Variants in TRIM71 observed in about 807,000 individuals in gnomAD.
The protein encoded by TRIM71 is E3 ubiquitin-protein ligase TRIM71.
In TRIM71, 9 loss-of-function variants were observed where a neutral mutation model predicts 61.2. The ratio of observed to expected loss-of-function variants is 0.15; its 90% CI spans 0.09 to 0.26. The LOEUF is 0.26. Ranked by LOEUF, TRIM71 falls within the 10% of genes least tolerant of loss-of-function variation. The probability of loss-of-function intolerance (pLI) is 1.00; values close to 1 mark genes in which losing one functional copy is unlikely to be tolerated. For synonymous variants in TRIM71, 645 were observed against 553.2 expected (o/e 1.17, Z -2.33); for missense variants, 998 against 1,238.7 (o/e 0.81, Z 2.92).
At chr3:32,864,925 C>T (rs904654994) in intron 1 of TRIM71, among the ~76,000 whole-genome samples, 6 of 150,868 alleles carry the variant, frequency 4.0e-5, no homozygotes, top group African/African-American at 1.2e-4. Context: ...CTAATTTTAG[C>T]TCAACATGGG....
At chr3:32,850,453 T>A (rs1443796328) in intron 1 of TRIM71, among the ~76,000 whole-genome samples, 2 of 152,198 alleles carry the variant, frequency 1.3e-5, no homozygotes, top group Non-Finnish European at 2.9e-5. Context: ...TCTTGACTGG[T>A]AACTGCTTTT....
At chr3:32,845,950 A>C (rs1311198567) in intron 1 of TRIM71, among the ~76,000 whole-genome samples, 1 of 151,378 alleles carries the variant, frequency 6.6e-6, no homozygotes, top group Non-Finnish European at 1.5e-5. Context: ...CGATCTCCTG[A>C]CCTTAGGTGA....
intron 1 of TRIM71, among the ~76,000 whole-genome samples, chr3:32,830,192 G>T (rs2125675833): frequency 6.6e-6 from 1 of 152,056 alleles, no homozygotes; most frequent in East Asian, 1.9e-4. Flanking sequence ...CAAAATGCTG[G>T]GATTACAGGT....
At chr3:32,846,417 T>C (rs1696475510) in intron 1 of TRIM71, among the ~76,000 whole-genome samples, 1 of 152,216 alleles carries the variant, frequency 6.6e-6, no homozygotes, top group East Asian at 1.9e-4. Context: ...TGTATATGTT[T>C]AGGGGGTACA....
chr3:32,830,245 A>G (rs1696254338), intron 1 of TRIM71, among the ~76,000 whole-genome samples: 1 of 151,800 alleles, frequency 6.6e-6, no homozygotes, highest in South Asian at 2.1e-4. Context: ...TGTTTTTTGT[A>G]TTTTATCTTC....
chr3:32,856,304 A>G lies in TRIM71; in HGVS notation c.853-17514A>G, dbSNP rs143110135. Among the ~76,000 whole-genome samples, 734 of 152,256 alleles carry G rather than the reference A, an allele frequency of 4.8e-3. 1 individual carries two copies. The highest frequency in any genetic ancestry group is 0.017 in the Middle Eastern group (5 of 294). ...AGTGCTGGGATTACAGGCGTGAGCC[A>G]CCGCACCTGGCCCTCTAATAGTTTT... On this transcript the variant is annotated intron_variant, in intron 1 of 3. Coordinates refer to ENST00000383763, the MANE Select transcript of TRIM71 (RefSeq NM_001039111.3).
At chr3:32,820,700 C>T (rs371964809) in intron 1 of TRIM71, among the ~76,000 whole-genome samples, 2 of 152,176 alleles carry the variant, frequency 1.3e-5, no homozygotes, top group South Asian at 4.1e-4. Flanking sequence ...AGTAGATGCT[C>T]AGTGTTGGCA....
rs1436824080 is a variant in TRIM71, at chr3:32,830,314, G to A, written c.852+11382G>A. Reference sequence around the variant, plus strand: ...CGTTAAAAAGCATAAATGGGCTCTGGTCTCTTAGCCAAAAACTGAGTATAA... The same window carrying A: ...CGTTAAAAAGCATAAATGGGCTCTGATCTCTTAGCCAAAAACTGAGTATAA... On this transcript the variant is annotated intron_variant, in intron 1 of 3. Transcript: ENST00000383763. Among the ~76,000 whole-genome samples the A allele has an allele frequency of 2.0e-5, 3 of 152,054 alleles. No homozygotes were observed. The East Asian group carries it at 5.8e-4, about 29-fold the overall frequency.
In TRIM71 at chr3:32,859,548, G is replaced by A. The variant is rs531193080; in HGVS notation, c.853-14270G>A. Among the ~76,000 whole-genome samples, 3 of 152,340 alleles carry A rather than the reference G, an allele frequency of 2.0e-5. No individual in the cohort carries two copies. In the South Asian group the frequency reaches 6.2e-4, roughly 32 times the overall value. ...GTTGAGATTACAGGCGTGAGCCACT[G>A]TGCCTGGCCAACTTTGGGGTTCTGG... On this transcript the variant is annotated intron_variant, in intron 1 of 3. Coordinates refer to ENST00000383763, the MANE Select transcript of TRIM71 (RefSeq NM_001039111.3).
intron 1 of TRIM71, among the ~76,000 whole-genome samples, chr3:32,848,171 T>C (rs1460216194): frequency 6.6e-6 from 1 of 152,226 alleles, no homozygotes; most frequent in African/African-American, 2.4e-5. Flanking sequence ...TGAGTTAATC[T>C]CTTTGCCTTA....
At position 32,890,484 on chromosome 3, in the gene TRIM71, C is replaced by A. The variant is rs771945405; in HGVS notation, c.1280C>A (p.Ala427Glu). 6.2e-7 allele frequency: 1 copy of A among 1,614,158 alleles called. No homozygotes were observed. The highest frequency in any genetic ancestry group is 2.2e-5 in the East Asian group (1 of 44,878). ...CAGCAGGTCCTGGAGGAGGGTAGAG[C>A]GCTAGACATCCTACTGGCCCGAGAC... ...AVQQVLEEGR[A>E]LDILLARDRM... The change falls in exon 4 of 4, where the codon GCG becomes GAG. Residue 427 changes from alanine (A) to glutamate (E), a missense_variant. Around this residue, in one of 5 missense-constraint regions of TRIM71, gnomAD observed 291 missense variants for 431.2 expected, o/e 0.67. Transcript: ENST00000383763. This position sits in a 1 kb window ranked among gnomAD's most constrained non-coding sequence, Gnocchi z 6.2.
At chr3:32,855,343 G>A (rs1360993771) in intron 1 of TRIM71, among the ~76,000 whole-genome samples, 1 of 152,006 alleles carries the variant, frequency 6.6e-6, no homozygotes, top group Non-Finnish European at 1.5e-5. Context: ...AAGTGTCTAG[G>A]GAGGTAGGTA....
intron 2 of TRIM71, among the ~76,000 whole-genome samples, chr3:32,882,026 G>A (rs921172344): frequency 1.3e-5 from 2 of 152,222 alleles, no homozygotes; most frequent in East Asian, 1.9e-4. Flanking sequence ...CATAAAATGT[G>A]AGTTCCAGAC....
intron 2 of TRIM71, among the ~76,000 whole-genome samples, chr3:32,874,596 C>A (rs1696835132): frequency 6.6e-6 from 1 of 152,098 alleles, no homozygotes; most frequent in Non-Finnish European, 1.5e-5. Context: ...GATCTCGGCT[C>A]ACTGCAAGCT....
chr3:32,893,896 G>T lies in TRIM71; in HGVS notation c.*2085G>T, dbSNP rs1697053084. ...CTCATCTCACAGAGGAGAACTGCAT[G>T]CAATAAAAGATTCAAAAGTTGGAAA... is the stretch of plus-strand genomic sequence containing the variant. On this transcript the variant is annotated 3_prime_UTR_variant, in exon 4 of 4. Transcript: ENST00000383763. The T allele has an allele frequency of 6.6e-6, 1 of 152,034 alleles. No homozygotes were observed. The highest frequency in any genetic ancestry group is 1.5e-5 in the Non-Finnish European group (1 of 67,992). The allele number at this position is 152,034 out of a possible 1,614,324, so 9.4% of individuals were successfully genotyped here.
chr3:32,844,533 A>C (rs1696449333), intron 1 of TRIM71, among the ~76,000 whole-genome samples: 1 of 152,156 alleles, frequency 6.6e-6, no homozygotes, highest in Non-Finnish European at 1.5e-5. Flanking sequence ...CGTAGCTAGG[A>C]GTACAGGCAC....
intron 1 of TRIM71, among the ~76,000 whole-genome samples, chr3:32,859,623 T>C (rs919098322): frequency 3.3e-5 from 5 of 152,152 alleles, no homozygotes; most frequent in Admixed American, 3.3e-4. Flanking sequence ...CAAATGTTGG[T>C]CTTTCTTCTG....
At chr3:32,854,029 T>C (rs943226816) in intron 1 of TRIM71, among the ~76,000 whole-genome samples, 1 of 150,390 alleles carries the variant, frequency 6.6e-6, no homozygotes, top group Admixed American at 6.6e-5. Context: ...GAAAGAAAAG[T>C]CTTGGTGTTG....
Position 32,890,289 on chromosome 3 carries a change from G to A in TRIM71, c.1156-71G>A. The A allele has an allele frequency of 6.5e-7, 1 of 1,534,208 alleles. No homozygotes were observed. The highest frequency in any genetic ancestry group is 8.8e-7 in the Non-Finnish European group (1 of 1,134,220). ...CTGATGCTTCCTTGTGATTAGTTGTGGCTTATGTGGTATTTTCTGTGCTTG... is the reference window on the plus strand; with the variant it reads ...CTGATGCTTCCTTGTGATTAGTTGTAGCTTATGTGGTATTTTCTGTGCTTG... On this transcript the variant is annotated intron_variant, in intron 3 of 3. Coordinates refer to ENST00000383763, the MANE Select transcript of TRIM71 (RefSeq NM_001039111.3). The surrounding 1 kb of genome is among the most constrained non-coding windows in gnomAD (Gnocchi z 6.2).
Sources: gnomAD v4.1 joint callset for allele counts (sites outside exome capture counted in the v4.1 genomes callset) on GRCh38, gnomAD v4.1.1 for gene constraint, gnomAD v4.1.1 regional missense constraint, Gnocchi (gnomAD v3.1) non-coding constraint, MANE v1.5 for transcripts, NCBI Gene and HGNC (gene_info 2026-07-23, HGNC 2026-07-21) for gene names.